UQCC2: variants seen among roughly 807,000 people sequenced by gnomAD.
UQCC2 encodes the protein breast cancer-associated protein SGA-81M.
A neutral mutation model predicts 19.9 loss-of-function variants in UQCC2; 21 were observed. The ratio of observed to expected loss-of-function variants is 1.05; its 90% CI spans 0.75 to 1.52. The LOEUF (loss-of-function observed/expected upper bound fraction) is 1.52. Ranked by LOEUF, UQCC2 falls within the 40% of genes most tolerant of loss-of-function variation. The pLI, the probability that UQCC2 is intolerant of heterozygous loss-of-function variation, is 0.00. For synonymous variants in UQCC2, 57 were observed against 60.9 expected (o/e 0.94, Z 0.30); for missense variants, 135 against 157.5 (o/e 0.86, Z 0.76).
chr6:33,700,694 G>A (rs1380962252), intron 2 of UQCC2, among the ~76,000 whole-genome samples, 181 bp from the exon 3 acceptor site: 1 of 152,194 alleles, frequency 6.6e-6, no homozygotes, highest in Non-Finnish European at 1.5e-5. Flanking sequence ...GTCTCCAGGA[G>A]GCAGCTCCAA....
chr6:33,706,189 G>A (rs1033826753), intron 1 of UQCC2, among the ~76,000 whole-genome samples: 1 of 152,224 alleles, frequency 6.6e-6, no homozygotes, highest in African/African-American at 2.4e-5. Context: ...GGGAAAGGGT[G>A]TTGCAAATTG....
intron 3 of UQCC2, among the ~76,000 whole-genome samples, chr6:33,699,697 CA>C (rs1355625479): frequency 6.6e-6 from 1 of 152,148 alleles, no homozygotes; most frequent in Non-Finnish European, 1.5e-5. Flanking sequence ...TCTAGAAGCC[CA>C]AATCCTCAAA....
intron 1 of UQCC2, among the ~76,000 whole-genome samples, chr6:33,706,500 C>T (rs1189860490): frequency 2.0e-5 from 3 of 152,116 alleles, no homozygotes; most frequent in South Asian, 2.1e-4. Flanking sequence ...TAAGTGAGAG[C>T]CAGATCTGCG....
chr6:33,702,707 A>G (rs1466227232), intron 1 of UQCC2, among the ~76,000 whole-genome samples: 1 of 152,202 alleles, frequency 6.6e-6, no homozygotes, highest in Admixed American at 6.5e-5. Context: ...TTCTGCCAAG[A>G]ATTTTGAAAA....
At chr6:33,701,308 C>G in intron 2 of UQCC2, 38 bp downstream of exon 2, 1 of 1,579,860 alleles carries the variant, frequency 6.3e-7, no homozygotes. Context: ...GTTGTCCCGT[C>G]AGAAAGCTGG....
intron 1 of UQCC2, among the ~76,000 whole-genome samples, chr6:33,705,350 C>CT (rs1765687960): frequency 6.6e-6 from 1 of 151,798 alleles, no homozygotes; most frequent in South Asian, 2.1e-4. Context: ...TCTGAAACTT[C>CT]CTGTGTGAAA....
At chr6:33,711,383 G>A (rs948285272) in intron 1 of UQCC2, among the ~76,000 whole-genome samples, 166 bp downstream of exon 1, 3 of 152,228 alleles carry the variant, frequency 2.0e-5, no homozygotes, top group Non-Finnish European at 4.4e-5. Flanking sequence ...TGAATACAAC[G>A]GGCGTCGCTA....
intron 1 of UQCC2, among the ~76,000 whole-genome samples, chr6:33,704,043 T>C (rs914256076): frequency 3.3e-5 from 5 of 152,180 alleles, no homozygotes; most frequent in Non-Finnish European, 7.3e-5. Flanking sequence ...AATATAATAA[T>C]AGCCCCTACG....
At chr6:33,703,722 T>C (rs1231040511) in intron 1 of UQCC2, among the ~76,000 whole-genome samples, 3 of 152,206 alleles carry the variant, frequency 2.0e-5, no homozygotes, top group Non-Finnish European at 4.4e-5. Flanking sequence ...AGGAGCATAA[T>C]GCCCCTTCAC....
intron 1 of UQCC2, among the ~76,000 whole-genome samples, chr6:33,710,551 G>A (rs1210038194): frequency 6.6e-6 from 1 of 152,222 alleles, no homozygotes; most frequent in East Asian, 1.9e-4. Flanking sequence ...TTCCCGCCAA[G>A]TGTACATGGC....
chr6:33,700,981 C>G (rs1260521341), intron 2 of UQCC2, among the ~76,000 whole-genome samples: 1 of 152,174 alleles, frequency 6.6e-6, no homozygotes, highest in East Asian at 1.9e-4. Context: ...GGGCACTTTC[C>G]CAATCATCCC....
In UQCC2 at chr6:33,697,342, G is replaced by A; in HGVS notation, c.*311C>T. 3.6e-6 allele frequency: 1 copy of A among 277,738 alleles called. No homozygotes were observed. The highest frequency in any genetic ancestry group is 6.7e-6 in the Non-Finnish European group (1 of 149,018). 17.2% of individuals were successfully genotyped at this position (277,738 alleles called of 1,614,324 possible). Reference sequence around the variant, plus strand: ...GGAGACACCAGACCCGTGCCAGAGGGGCGGGGGCTCCCGTGGCAATGCAGG... The same window carrying A: ...GGAGACACCAGACCCGTGCCAGAGGAGCGGGGGCTCCCGTGGCAATGCAGG... On this transcript the variant is annotated 3_prime_UTR_variant, in exon 4 of 4. Transcript: ENST00000607484.
chr6:33,706,795 G>GT (rs1342130608), intron 1 of UQCC2, among the ~76,000 whole-genome samples: 1 of 152,192 alleles, frequency 6.6e-6, no homozygotes, highest in African/African-American at 2.4e-5. Flanking sequence ...CTGTGTTTGG[G>GT]TTTTTTGCGG....
chr6:33,705,691 C>T (rs1765691283), intron 1 of UQCC2, among the ~76,000 whole-genome samples: 1 of 152,182 alleles, frequency 6.6e-6, no homozygotes, highest in African/African-American at 2.4e-5. Context: ...TTCCAGAAGC[C>T]TCACCACGTT....
In UQCC2 at chr6:33,697,749, G is replaced by A; in HGVS notation, c.285C>T (p.Asp95=). Residue 95 remains aspartate, a splice_region_variant and synonymous_variant, in exon 4 of 4, where the codon GAC becomes GAT. Coordinates refer to ENST00000607484, the MANE Select transcript of UQCC2 (RefSeq NM_032340.4). ...LEEYKLILST[D]TLEELKEIDK... Reference sequence around the variant, plus strand: ...CTATTTCCTTAAGCTCTTCCAAGGTGTCTGCAAAAGGGGAAGACAAAAAGA... The same window carrying A: ...CTATTTCCTTAAGCTCTTCCAAGGTATCTGCAAAAGGGGAAGACAAAAAGA... 1 of 1,612,614 alleles carries A rather than the reference G, an allele frequency of 6.2e-7. No homozygotes were observed. Among genetic ancestry groups the A allele is most frequent in the South Asian group, 1.1e-5 (1 of 90,880 alleles).
intron 1 of UQCC2, among the ~76,000 whole-genome samples, chr6:33,702,378 T>TG (rs1765651975): frequency 6.7e-6 from 1 of 149,342 alleles, no homozygotes; most frequent in Non-Finnish European, 1.5e-5. Flanking sequence ...CTATGATAAG[T>TG]GGGGAGCTGC....
intron 3 of UQCC2, among the ~76,000 whole-genome samples, chr6:33,699,321 CCAATG>C (rs576569100): frequency 1.3e-5 from 2 of 152,348 alleles, no homozygotes; most frequent in African/African-American, 4.8e-5. Context: ...GCAGCGCGGA[CCAATG>C]GCGGGACTAT....
chr6:33,711,509 CCT>C, intron 1 of UQCC2, 38 bp downstream of exon 1: 1 of 1,567,384 alleles, frequency 6.4e-7, no homozygotes, highest in Non-Finnish European at 8.6e-7. Flanking sequence ...CCTGCCTCGT[CCT>C]TTCCTCCCCT....
In UQCC2 at chr6:33,696,825, C is replaced by CA. The variant is rs1402255836; in HGVS notation, c.*827dup. 2 of 152,252 alleles carry CA rather than the reference C, an allele frequency of 1.3e-5. No homozygotes were observed. Among genetic ancestry groups the CA allele is most frequent in the African/African-American group, 4.8e-5 (2 of 41,454 alleles). 9.4% of individuals were successfully genotyped at this position (152,252 alleles called of 1,614,324 possible). A position where few individuals can be genotyped will look rare whatever the true frequency, so the allele number is the denominator to read the frequency against. ...TTCAGAACATCCTGAGGAGTCTAGA[C>CA]ACAGACGAGGTTAAGAACCCACTTC... On this transcript the variant is annotated 3_prime_UTR_variant, in exon 4 of 4. Coordinates refer to ENST00000607484, the MANE Select transcript of UQCC2 (RefSeq NM_032340.4).
Sources: gnomAD v4.1 joint callset for allele counts (sites outside exome capture counted in the v4.1 genomes callset) on GRCh38, gnomAD v4.1.1 for gene constraint, MANE v1.5 for transcripts, NCBI Gene and HGNC (gene_info 2026-07-23, HGNC 2026-07-21) for gene names.